The following PTPA variants were observed in gnomAD, a reference collection of about 807,000 sequenced individuals.
PTPA encodes protein phosphatase 2 phosphatase activator.
Under a neutral mutation model 43.6 loss-of-function variants are expected in PTPA, and 13 were observed. That is an observed-to-expected ratio of 0.30 (90% CI 0.19 to 0.47). The LOEUF (loss-of-function observed/expected upper bound fraction) is 0.47. PTPA is among the 20% of genes least tolerant of loss of function. PTPA has a pLI of 0.99. For synonymous variants in PTPA, 172 were observed against 158.2 expected, an observed-to-expected ratio of 1.09 and a Z score of -0.66; for missense variants, 329 against 411.9, an observed-to-expected ratio of 0.80 and a Z score of 1.74.
chr9:129,136,383 T>C (rs1850368347), intron 6 of PTPA, 88 bp from the exon 7 acceptor site: 1 of 1,401,812 alleles, frequency 7.1e-7, no homozygotes, highest in East Asian at 2.4e-5. Context: ...GTGGTTATTT[T>C]GGGGTCTCCT....
chr9:129,114,210 A>G (rs1364748815), intron 1 of PTPA, among the ~76,000 whole-genome samples: 2 of 152,078 alleles, frequency 1.3e-5, no homozygotes, highest in Non-Finnish European at 2.9e-5. Context: ...TTTAGTAGAG[A>G]TGGGATTTCG....
chr9:129,119,329 A>G (rs1294509606), intron 1 of PTPA, among the ~76,000 whole-genome samples: 4 of 31,190 alleles, frequency 1.3e-4, no homozygotes, highest in African/African-American at 2.0e-4. Flanking sequence ...TTATCCAGAA[A>G]GAGAAATCAC....
At position 129,126,862 on chromosome 9, in the gene PTPA, G is replaced by A. The variant is rs533478897; in HGVS notation, c.217-2123G>A. ...GCTGGGAGCCTTTGAATTATTCATT[G>A]GCCCAGCTGAGCTAGCAGCTGGGGC... On this transcript the variant is annotated intron_variant, in intron 3 of 9. Transcript: ENST00000393370. 2.6e-5 allele frequency among the ~76,000 whole-genome samples: 4 copies of A among 152,162 alleles called. No individual in the cohort carries two copies. The South Asian group carries it at 8.3e-4, about 32-fold the overall frequency.
At chr9:129,112,956 A>C (rs1299164391) in intron 1 of PTPA, among the ~76,000 whole-genome samples, 1 of 151,402 alleles carries the variant, frequency 6.6e-6, no homozygotes, top group East Asian at 1.9e-4. Flanking sequence ...CAAAAAAAAA[A>C]CCGGGGTGTC....
At chr9:129,143,575 GT>G (rs1433127664) in intron 9 of PTPA, 1 of 638,356 alleles carries the variant, frequency 1.6e-6, no homozygotes, top group Non-Finnish European at 2.8e-6. Context: ...GATGCTTCCA[GT>G]TGGCTTGGCT....
rs1849364582 is a variant in PTPA, at chr9:129,123,141, A to G, written c.216+3A>G. On this transcript the variant is annotated splice_donor_region_variant and intron_variant, in intron 3 of 9. Coordinates refer to ENST00000393370, the MANE Select transcript of PTPA (RefSeq NM_178000.3). ...CCTTCGAGTACAGAGTCTCCGAGGTAGGCCCAAGGAGGAGCTGCTGCAGCA... is the reference window on the plus strand; with the variant it reads ...CCTTCGAGTACAGAGTCTCCGAGGTGGGCCCAAGGAGGAGCTGCTGCAGCA... 1.3e-6 allele frequency: 2 copies of G among 1,598,974 alleles called. No homozygotes were observed. Among genetic ancestry groups the G allele is most frequent in the African/African-American group, 1.3e-5 (1 of 74,562 alleles).
At chr9:129,129,663 G>A (rs939210806) in intron 4 of PTPA, among the ~76,000 whole-genome samples, 4 of 151,932 alleles carry the variant, frequency 2.6e-5, no homozygotes, top group Non-Finnish European at 5.9e-5. Flanking sequence ...TAGAGACGGG[G>A]TTTCACCGTG....
chr9:129,128,057 G>C, intron 3 of PTPA: 1 of 1,335,426 alleles, frequency 7.5e-7, no homozygotes, highest in Non-Finnish European at 9.9e-7. Flanking sequence ...CGGGCACTGT[G>C]CACCTTCGGA....
At chr9:129,129,944 C>T (rs1051087554) in intron 4 of PTPA, among the ~76,000 whole-genome samples, 1 of 152,190 alleles carries the variant, frequency 6.6e-6, no homozygotes, top group Admixed American at 6.6e-5. Context: ...CCTTTGGTCC[C>T]AGCTGCTTGG....
chr9:129,128,050 G>A (rs1278840278), intron 3 of PTPA: 3 of 1,339,172 alleles, frequency 2.2e-6, no homozygotes, highest in South Asian at 2.4e-5. Context: ...CCCGCGCCGG[G>A]CACTGTGCAC....
intron 3 of PTPA, among the ~76,000 whole-genome samples, chr9:129,128,536 CAAAAA>C (rs35647247): frequency 8.5e-6 from 1 of 117,396 alleles, no homozygotes; most frequent in African/African-American, 2.9e-5. Flanking sequence ...AACTCTGTCT[CAAAAA>C]AAAAAAAAAA....
chr9:129,144,463 G>T (rs1177497899), intron 9 of PTPA, among the ~76,000 whole-genome samples: 1 of 152,172 alleles, frequency 6.6e-6, no homozygotes, highest in African/African-American at 2.4e-5. Context: ...GTCAGGCCGG[G>T]CGTGGTGGCT....
intron 5 of PTPA, among the ~76,000 whole-genome samples, chr9:129,134,198 G>A (rs1400615554): frequency 1.3e-5 from 2 of 150,112 alleles, no homozygotes; most frequent in Non-Finnish European, 3.0e-5. Context: ...TAGGTGCTCA[G>A]TAAATATGGT....
At position 129,112,099 on chromosome 9, in the gene PTPA, T is replaced by A. The variant is rs372470589; in HGVS notation, c.31+468T>A. The stretch of plus-strand genomic sequence containing the variant: ...CTCGCCTCCAGTTTCGGCCTCCGCG[T>A]CCTGCTCACCCCTCATCCTCCTACT... On this transcript the variant is annotated intron_variant, in intron 1 of 9. Transcript: ENST00000393370. 39 of 161,992 alleles carry A rather than the reference T, an allele frequency of 2.4e-4. No individual in the cohort carries two copies. The East Asian group carries it at 6.4e-3, about 26-fold the overall frequency. The allele number at this position is 161,992 out of a possible 1,614,324, so 10.0% of individuals were successfully genotyped here.
chr9:129,111,804 G>T (rs970042998), intron 1 of PTPA, 173 bp downstream of exon 1: 3 of 1,229,616 alleles, frequency 2.4e-6, no homozygotes, highest in South Asian at 4.1e-5. Flanking sequence ...GGGTGGTGGG[G>T]CGCCGCTGGG....
At chr9:129,145,922 C>T (rs1343376590) in intron 9 of PTPA, among the ~76,000 whole-genome samples, 1 of 152,092 alleles carries the variant, frequency 6.6e-6, no homozygotes, top group Non-Finnish European at 1.5e-5. Flanking sequence ...GCTGGAGGCT[C>T]CTCCTGCCCT....
chr9:129,129,679 C>T, intron 4 of PTPA, among the ~76,000 whole-genome samples: 1 of 152,112 alleles, frequency 6.6e-6, no homozygotes, highest in Admixed American at 6.5e-5. Flanking sequence ...CCGTGTTAGC[C>T]AGGATGGTCT....
chr9:129,147,536 T>TC lies in PTPA; in HGVS notation c.*76dup. The TC allele has an allele frequency of 7.0e-7, 1 of 1,424,396 alleles. No homozygotes were observed. The highest frequency in any genetic ancestry group is 9.7e-7 in the Non-Finnish European group (1 of 1,025,906). 88.2% of individuals were successfully genotyped at this position (1,424,396 alleles called of 1,614,324 possible). A position where few individuals can be genotyped will look rare whatever the true frequency, so the allele number is the denominator to read the frequency against. ...CCTTCCCCACCCCAGCAGTGGCCCC[T>TC]CCCCATCCCCTCCCTCTGTTCGTCC... is the stretch of plus-strand genomic sequence containing the variant. On this transcript the variant is annotated 3_prime_UTR_variant, in exon 10 of 10. Coordinates refer to ENST00000393370, the MANE Select transcript of PTPA (RefSeq NM_178000.3).
intron 8 of PTPA, among the ~76,000 whole-genome samples, chr9:129,141,327 C>T (rs919920184): frequency 2.0e-5 from 3 of 152,018 alleles, no homozygotes; most frequent in Admixed American, 1.3e-4. Context: ...TATCTTTTCT[C>T]CTTCAAAAAA....
Sources: allele counts gnomAD v4.1 joint callset (sites outside exome capture counted in the v4.1 genomes callset), GRCh38; gene constraint gnomAD v4.1.1; transcripts MANE v1.5; gene names NCBI Gene and HGNC (gene_info 2026-07-23, HGNC 2026-07-21).